The following FBXL17 variants were observed in gnomAD, a reference collection of about 807,000 sequenced individuals.
FBXL17 encodes the protein F-box and leucine rich repeat protein 17, also known as F-box/LRR-repeat protein 17.
FBXL17 carries 22 observed loss-of-function variants against 66.2 expected under a neutral mutation model. That is an observed-to-expected ratio of 0.33 (90% CI 0.24 to 0.47). FBXL17 has a LOEUF of 0.47. FBXL17 is among the 20% of genes least tolerant of loss of function. The probability of loss-of-function intolerance (pLI) is 1.00; values close to 1 mark genes in which losing one functional copy is unlikely to be tolerated. For synonymous variants in FBXL17, 474 were observed against 400.5 expected, an observed-to-expected ratio of 1.18 and a Z score of -2.19; for missense variants, 878 against 948.2, an observed-to-expected ratio of 0.93 and a Z score of 0.97.
chr5:108,348,276 C>A, intron 4 of FBXL17, 123 bp downstream of exon 4: 1 of 817,438 alleles, frequency 1.2e-6, no homozygotes, highest in Non-Finnish European at 1.8e-6. Flanking sequence ...AGGATTTTTG[C>A]TTTTGATTAA....
chr5:107,935,218 G>A (rs959439837), intron 7 of FBXL17, among the ~76,000 whole-genome samples: 2 of 152,026 alleles, frequency 1.3e-5, no homozygotes, highest in Non-Finnish European at 2.9e-5. Flanking sequence ...CAAGAATCAA[G>A]GACTCCTAAG....
intron 6 of FBXL17, among the ~76,000 whole-genome samples, chr5:108,037,630 T>C (rs1746895957): frequency 6.6e-6 from 1 of 152,166 alleles, no homozygotes; most frequent in African/African-American, 2.4e-5. Context: ...CTCAGCAGTC[T>C]GAGTTCCCAG....
chr5:108,375,487 C>T (rs765784058), intron 1 of FBXL17, among the ~76,000 whole-genome samples: 2 of 151,778 alleles, frequency 1.3e-5, no homozygotes, highest in Non-Finnish European at 2.9e-5. Context: ...ACAAAAAGTA[C>T]ACAATTATAA....
chr5:108,070,396 C>T (rs549874985), intron 6 of FBXL17, among the ~76,000 whole-genome samples: 6 of 152,132 alleles, frequency 3.9e-5, no homozygotes, highest in Non-Finnish European at 7.4e-5. Flanking sequence ...CTGGCAAATG[C>T]AAAGACCTTT....
intron 6 of FBXL17, among the ~76,000 whole-genome samples, chr5:108,179,410 T>A (rs771853208): frequency 1.3e-5 from 2 of 151,944 alleles, no homozygotes; most frequent in African/African-American, 2.4e-5. Flanking sequence ...CACCTCAATA[T>A]ACCTAAAAAA....
chr5:108,048,738 C>T (rs1306173095), intron 6 of FBXL17, among the ~76,000 whole-genome samples: 4 of 152,090 alleles, frequency 2.6e-5, no homozygotes, highest in Admixed American at 1.3e-4. Flanking sequence ...TGAAGTAAGG[C>T]ATGCAGACAA....
At chr5:108,340,339 C>T (rs978604737) in intron 4 of FBXL17, among the ~76,000 whole-genome samples, 12 of 151,500 alleles carry the variant, frequency 7.9e-5, no homozygotes, top group African/African-American at 2.9e-4. Flanking sequence ...TCGCTTGAGC[C>T]CGGGAGTTCG....
chr5:108,218,674 G>A (rs1256560356), intron 5 of FBXL17, among the ~76,000 whole-genome samples: 2 of 145,686 alleles, frequency 1.4e-5, no homozygotes, highest in Non-Finnish European at 3.0e-5. Context: ...TTTCTCTGAT[G>A]ATTAGTGACA....
chr5:108,090,240 CA>C (rs1193652523), intron 6 of FBXL17, among the ~76,000 whole-genome samples: 1 of 152,110 alleles, frequency 6.6e-6, no homozygotes, highest in Non-Finnish European at 1.5e-5. Context: ...AAATTATAGA[CA>C]TCTTAAAAAT....
rs762414151 is a variant in FBXL17 at position 108,296,371 on chromosome 5, T to C, written c.1506+52028A>G. ...ATATAAAAAATCAGTGACTTTGTTA[T>C]GAAATATAAAATGCCAATTTAGTTT... On this transcript the variant is annotated intron_variant, in intron 4 of 8. Transcript: ENST00000542267. Among the ~76,000 whole-genome samples, 95 of 152,084 alleles carry C rather than the reference T, an allele frequency of 6.2e-4. 1 individual carries two copies. Among genetic ancestry groups the C allele is most frequent in the South Asian group, 1.5e-3 (7 of 4,824 alleles).
At chr5:108,247,441 T>C (rs1756153238) in intron 4 of FBXL17, among the ~76,000 whole-genome samples, 1 of 152,158 alleles carries the variant, frequency 6.6e-6, no homozygotes, top group Non-Finnish European at 1.5e-5. Flanking sequence ...TATTAACAGT[T>C]GGTCACATTA....
intron 6 of FBXL17, among the ~76,000 whole-genome samples, chr5:108,124,608 C>T (rs1028909160): frequency 5.3e-5 from 8 of 152,012 alleles, no homozygotes; most frequent in African/African-American, 1.7e-4. Flanking sequence ...TGTTATTCCA[C>T]TTTAATAAGA....
intron 6 of FBXL17, among the ~76,000 whole-genome samples, 185 bp from the exon 7 acceptor site, chr5:108,021,186 C>T (rs1754586571): frequency 1.3e-5 from 2 of 151,532 alleles, no homozygotes; most frequent in Non-Finnish European, 3.0e-5. Context: ...TATTTAAATA[C>T]ATTTATGACT....
intron 7 of FBXL17, among the ~76,000 whole-genome samples, chr5:108,009,298 T>TAGATAGAGAGATAGATAGATAGATAG (rs1475870219): frequency 1.4e-5 from 1 of 71,450 alleles, no homozygotes; most frequent in African/African-American, 6.9e-5. Context: ...TATATATATA[T>TAGATAGAGAGATAGATAGATAGATAG]ATACATATAT....
At chr5:107,924,282 C>T (rs928784297) in intron 7 of FBXL17, among the ~76,000 whole-genome samples, 1 of 151,970 alleles carries the variant, frequency 6.6e-6, no homozygotes, top group South Asian at 2.1e-4. Context: ...TAAAAGATCA[C>T]TTTATTTGTC....
chr5:108,317,096 T>G (rs569879152), intron 4 of FBXL17, among the ~76,000 whole-genome samples: 1 of 151,396 alleles, frequency 6.6e-6, no homozygotes, highest in East Asian at 1.9e-4. Context: ...CAACAGGTAC[T>G]AATTAAGGAG....
chr5:107,899,768 T>G (rs1359254630), intron 7 of FBXL17, among the ~76,000 whole-genome samples: 1 of 152,204 alleles, frequency 6.6e-6, no homozygotes, highest in Non-Finnish European at 1.5e-5. Flanking sequence ...ACTGGAGAAC[T>G]GTATTTACCA....
chr5:108,303,605 T>C (rs966617454), intron 4 of FBXL17, among the ~76,000 whole-genome samples: 2 of 152,100 alleles, frequency 1.3e-5, no homozygotes, highest in Non-Finnish European at 1.5e-5. Flanking sequence ...GCTTCTCCCA[T>C]TTAAAACAAA....
intron 6 of FBXL17, among the ~76,000 whole-genome samples, chr5:108,142,561 G>T (rs1751390404): frequency 6.6e-6 from 1 of 152,106 alleles, no homozygotes; most frequent in South Asian, 2.1e-4. Context: ...ATATCAATTT[G>T]CTAACTGATT....
Sources: allele counts gnomAD v4.1 joint callset (sites outside exome capture counted in the v4.1 genomes callset), GRCh38; gene constraint gnomAD v4.1.1; transcripts MANE v1.5; gene names NCBI Gene and HGNC (gene_info 2026-07-23, HGNC 2026-07-21).